PNKD: variants seen among roughly 807,000 people sequenced by gnomAD.
The protein encoded by PNKD is probable thioesterase PNKD.
A neutral mutation model predicts 45.3 loss-of-function variants in PNKD; 36 were observed. The ratio of observed to expected loss-of-function variants is 0.80; its 90% confidence interval spans 0.61 to 1.05. PNKD has a LOEUF of 1.05. PNKD is among the 50% of genes least tolerant of loss of function. PNKD has a pLI of 0.00. For synonymous variants in PNKD, 197 were observed against 210.1 expected (o/e 0.94, Z 0.54); for missense variants, 511 against 506.6 (o/e 1.01, Z -0.08).
intron 2 of PNKD, among the ~76,000 whole-genome samples, chr2:218,281,467 T>C (rs1357974715): frequency 6.6e-6 from 1 of 152,202 alleles, no homozygotes; most frequent in Non-Finnish European, 1.5e-5. Context: ...CACAAGCATG[T>C]CCCTGCCATG....
rs969671577 is a variant in PNKD, at chr2:218,332,440, G to C, written c.237-7343G>C. Among the ~76,000 whole-genome samples, 5 of 152,312 alleles carry C rather than the reference G, an allele frequency of 3.3e-5. No individual in the cohort carries two copies. The South Asian group carries it at 1.0e-3, about 32-fold the overall frequency. On this transcript the variant is annotated intron_variant, in intron 2 of 9. Coordinates refer to ENST00000273077, the MANE Select transcript of PNKD (RefSeq NM_015488.5). ...CCAATTCTGCAGGCAGATGGAGGGA[G>C]AGCCTAAGCTAAGTGGCTTAGAGAG...
intron 2 of PNKD, among the ~76,000 whole-genome samples, chr2:218,297,684 C>CAAA (rs71064428): frequency 1.0e-3 from 42 of 41,744 alleles, no homozygotes; most frequent in Middle Eastern, 0.023. Flanking sequence ...GACTCCGTCT[C>CAAA]AAAAAAAAAA....
At chr2:218,319,280 G>C (rs1341817955) in intron 2 of PNKD, among the ~76,000 whole-genome samples, 1 of 150,900 alleles carries the variant, frequency 6.6e-6, no homozygotes, top group Admixed American at 6.6e-5. Flanking sequence ...GTACAACTTG[G>C]TGAGTTTTTC....
At chr2:218,339,321 C>T (rs550217366) in intron 2 of PNKD, among the ~76,000 whole-genome samples, 18 of 151,508 alleles carry the variant, frequency 1.2e-4, no homozygotes, top group African/African-American at 3.4e-4. Context: ...TGCAGTGGTG[C>T]GATGCCCAAT....
chr2:218,323,058 C>T (rs1694034152), intron 2 of PNKD: 1 of 744,596 alleles, frequency 1.3e-6, no homozygotes, highest in East Asian at 4.0e-5. Context: ...CGGGCGGAGC[C>T]AGGCCGCCCC....
At position 218,315,113 on chromosome 2, in the gene PNKD, C is replaced by CT. The variant is rs1394232940; in HGVS notation, c.237-24668dup. ...CTCTCTCTCCTTCCTTCCTTCCTTC[C>CT]TTCCTTCCTTTCTTTCTTTCTTTCT... On this transcript the variant is annotated intron_variant, in intron 2 of 9. Coordinates refer to ENST00000273077, the MANE Select transcript of PNKD (RefSeq NM_015488.5). Among the ~76,000 whole-genome samples the CT allele has an allele frequency of 1.2e-3, 163 of 130,922 alleles. 1 individual carries two copies. The highest frequency in any genetic ancestry group is 4.0e-3 in the African/African-American group (134 of 33,884). The allele number at this position is 130,922 out of a possible 152,430, so 85.9% of individuals were successfully genotyped here.
At chr2:218,299,077 C>T (rs1167418649) in intron 2 of PNKD, among the ~76,000 whole-genome samples, 1 of 152,160 alleles carries the variant, frequency 6.6e-6, no homozygotes, top group Non-Finnish European at 1.5e-5. Flanking sequence ...TCAGGATCAA[C>T]AATCTATTCA....
At chr2:218,313,109 A>ATTT (rs146265094) in intron 2 of PNKD, among the ~76,000 whole-genome samples, 4 of 147,224 alleles carry the variant, frequency 2.7e-5, no homozygotes, top group Admixed American at 6.8e-5. Flanking sequence ...TCTTTATACA[A>ATTT]TTTTTTTTTT....
At chr2:218,336,668 A>G (rs1312926159) in intron 2 of PNKD, among the ~76,000 whole-genome samples, 1 of 151,528 alleles carries the variant, frequency 6.6e-6, no homozygotes, top group East Asian at 1.9e-4. Flanking sequence ...TTTAGTAGAG[A>G]CAGGGTCTCG....
chr2:218,279,383 C>T, intron 2 of PNKD: 1 of 1,529,310 alleles, frequency 6.5e-7, no homozygotes, highest in Non-Finnish European at 8.8e-7. Flanking sequence ...CATGGGTCAC[C>T]ATCCGGCACC....
intron 2 of PNKD, among the ~76,000 whole-genome samples, chr2:218,300,765 G>A (rs1234560037): frequency 6.6e-6 from 1 of 151,248 alleles, no homozygotes; most frequent in Non-Finnish European, 1.5e-5. Context: ...GGCTGGTCTC[G>A]AACTCCTGAC....
chr2:218,322,108 G>A (rs897983724), intron 2 of PNKD, among the ~76,000 whole-genome samples: 1 of 151,824 alleles, frequency 6.6e-6, no homozygotes, highest in African/African-American at 2.4e-5. Context: ...TTTTAGTAAA[G>A]ACGTGGTTTC....
Position 218,270,566 on chromosome 2 carries a change from A to C in PNKD, c.31A>C (p.Lys11Gln). The change falls in exon 1 of 10, where the codon AAG becomes CAG. Residue 11 changes from lysine to glutamine, a missense_variant. Lys to Gln is a moderately conservative substitution (Grantham distance 53). Transcript: ENST00000273077. ...GGCGGTGGTAGCTGCTACGGCGCTG[A>C]AGGGCCGGGGGGCGAGAAATGCCCG... Reference protein sequence around the residue: MAAVVAATALKGRGARNARVL... With the variant: MAAVVAATALQGRGARNARVL... The C allele has an allele frequency of 1.6e-6, 2 of 1,213,598 alleles. No homozygotes were observed. The highest frequency in any genetic ancestry group is 3.7e-5 in the Admixed American group (1 of 27,342). The allele number at this position is 1,213,598 out of a possible 1,614,324, so 75.2% of individuals were successfully genotyped here. A position where few individuals can be genotyped will look rare whatever the true frequency, so the allele number is the denominator to read the frequency against.
chr2:218,338,020 G>T (rs113023289), intron 2 of PNKD, among the ~76,000 whole-genome samples: 1 of 151,982 alleles, frequency 6.6e-6, no homozygotes, highest in African/African-American at 2.4e-5. Context: ...GGTGGTGCAC[G>T]CCTCTAGTCC....
chr2:218,320,877 G>C (rs2106272477), intron 2 of PNKD, among the ~76,000 whole-genome samples: 1 of 152,244 alleles, frequency 6.6e-6, no homozygotes, highest in Admixed American at 6.5e-5. Context: ...AATTCTTATG[G>C]CAGAGGAAGT....
At chr2:218,312,352 C>G (rs1386151846) in intron 2 of PNKD, among the ~76,000 whole-genome samples, 1 of 152,088 alleles carries the variant, frequency 6.6e-6, no homozygotes, top group African/African-American at 2.4e-5. Flanking sequence ...TATCTGATAG[C>G]AAGAATTACA....
At chr2:218,275,980 C>T (rs1348977590) in intron 2 of PNKD, 3 of 1,586,298 alleles carry the variant, frequency 1.9e-6, no homozygotes, top group Non-Finnish European at 2.6e-6. Context: ...TAGATTCCTC[C>T]CCTCATCCCC....
chr2:218,343,644 G>A, intron 8 of PNKD, 58 bp downstream of exon 8: 1 of 1,323,880 alleles, frequency 7.6e-7, no homozygotes, highest in Non-Finnish European at 1.1e-6. Context: ...CTGGGACAAG[G>A]GCCTTCCCAC....
intron 2 of PNKD, among the ~76,000 whole-genome samples, chr2:218,308,623 A>G (rs1036866281): frequency 4.7e-4 from 71 of 149,518 alleles, no homozygotes; most frequent in African/African-American, 1.7e-3. Context: ...GTATTGCTCT[A>G]TCACCCAGGC....
Sources: gnomAD v4.1 joint callset for allele counts (sites outside exome capture counted in the v4.1 genomes callset) on GRCh38, gnomAD v4.1.1 for gene constraint, MANE v1.5 for transcripts, NCBI Gene and HGNC (gene_info 2026-07-23, HGNC 2026-07-21) for gene names.